Variants in NDUFA8 observed in about 807,000 individuals in gnomAD.
NDUFA8 encodes NADH:ubiquinone oxidoreductase subunit A8, also known as NADH dehydrogenase [ubiquinone] 1 alpha subcomplex subunit 8.
In NDUFA8, 16 loss-of-function variants were observed where a neutral mutation model predicts 20.9. The observed-to-expected ratio is 0.77, with a 90% confidence interval of 0.52 to 1.16. The LOEUF is 1.16. Among genes scored for constraint, NDUFA8 ranks in the 50% most tolerant of loss-of-function variants. The probability of loss-of-function intolerance (pLI) is 0.00; values close to 1 mark genes in which losing one functional copy is unlikely to be tolerated. For synonymous variants in NDUFA8, 70 were observed against 76.1 expected (o/e 0.92, Z 0.41); for missense variants, 202 against 216.4 (o/e 0.93, Z 0.42).
In NDUFA8 at chr9:122,159,695, C is replaced by A; in HGVS notation, c.-18G>T. 6.2e-7 allele frequency: 1 copy of A among 1,614,152 alleles called. No homozygotes were observed. The highest frequency in any genetic ancestry group is 8.5e-7 in the Non-Finnish European group (1 of 1,179,996). On this transcript the variant is annotated 5_prime_UTR_variant, in exon 1 of 4. Transcript: ENST00000373768. Reference sequence around the variant, plus strand: ...CCCGGCATGACGGCTGCAGCCCCGACCCCGACGAGAAGCCCTCAGCCGCGT... The same window carrying A: ...CCCGGCATGACGGCTGCAGCCCCGAACCCGACGAGAAGCCCTCAGCCGCGT...
At chr9:122,133,811 A>G in the NDUFA8 span, among the ~76,000 whole-genome samples, 50 of 152,164 alleles carry the variant, frequency 3.3e-4, no homozygotes, top group Non-Finnish European at 6.2e-4. Context: ...GTTGGGAGTG[A>G]TGTCGCCCAT....
intron 3 of NDUFA8, among the ~76,000 whole-genome samples, chr9:122,144,876 A>G (rs1353480372): frequency 6.6e-6 from 1 of 152,216 alleles, no homozygotes; most frequent in African/African-American, 2.4e-5. Context: ...ATATGAAGAT[A>G]GGCAGGCATG....
chr9:122,152,478 A>C, intron 1 of NDUFA8, 70 bp from the exon 2 acceptor site: 484 of 1,478,266 alleles, frequency 3.3e-4, no homozygotes, highest in Non-Finnish European at 4.1e-4. Context: ...GCTTTACCTC[A>C]TGCGGGTCAG....
intron 2 of NDUFA8, among the ~76,000 whole-genome samples, chr9:122,148,576 T>C (rs951210454): frequency 1.7e-4 from 26 of 152,232 alleles, no homozygotes; most frequent in African/African-American, 6.0e-4. Context: ...GGCCTATTTA[T>C]TCTTTTCTTT....
the NDUFA8 span, among the ~76,000 whole-genome samples, chr9:122,137,008 C>T: frequency 1.3e-5 from 2 of 152,134 alleles, no homozygotes; most frequent in African/African-American, 4.8e-5. Flanking sequence ...GTTTAATCTT[C>T]CCGATCCATT....
At chr9:122,133,646 G>A in the NDUFA8 span, among the ~76,000 whole-genome samples, 1 of 152,306 alleles carries the variant, frequency 6.6e-6, no homozygotes, top group South Asian at 2.1e-4. Context: ...GGAATGGACT[G>A]GCAGAGAGGA....
chr9:122,143,943 G>T, downstream of NDUFA8: 1 of 669,850 alleles, frequency 1.5e-6, no homozygotes, highest in Non-Finnish European at 2.2e-6. Context: ...CCAGCCACAT[G>T]AGCGAGTGCC....
chr9:122,138,443 A>T, the NDUFA8 span, among the ~76,000 whole-genome samples: 1 of 152,190 alleles, frequency 6.6e-6, no homozygotes, highest in African/African-American at 2.4e-5. Flanking sequence ...TTTTTGAGAA[A>T]ACAAAAGCAA....
At chr9:122,146,070 C>T (rs77945901) in intron 3 of NDUFA8, among the ~76,000 whole-genome samples, 21,312 of 152,110 alleles carry the variant, frequency 0.14, 2,898 homozygotes, top group African/African-American at 0.36. Context: ...TGCTTGAACC[C>T]GGAAGGCACT....
chr9:122,144,509 A>T lies in NDUFA8; in HGVS notation c.382-131T>A, dbSNP rs1828873340. ...CTGCTCCCCGACTTAAATTCCCAGC[A>T]AATCACATTCAGACGTATTTAATCA... On this transcript the variant is annotated intron_variant, in intron 3 of 3. Transcript: ENST00000373768. The T allele has an allele frequency of 5.8e-6, 5 of 866,306 alleles. No individual in the cohort carries two copies. The South Asian group carries it at 6.8e-5, about 12-fold the overall frequency. The allele number at this position is 866,306 out of a possible 1,614,324, so 53.7% of individuals were successfully genotyped here.
chr9:122,152,176 T>C, intron 2 of NDUFA8, 69 bp downstream of exon 2: 1 of 1,548,148 alleles, frequency 6.5e-7, no homozygotes, highest in Non-Finnish European at 8.9e-7. Flanking sequence ...GATTATTAGC[T>C]GGCTGTTCAC....
Position 122,152,713 on chromosome 9 carries a change from G to A in NDUFA8, c.52-305C>T, listed in dbSNP as rs112993102. ...TGGGATTACAGGCATAAGCCACCTC[G>A]CCCAGCGATTCTTTAAAATCTATGG... On this transcript the variant is annotated intron_variant, in intron 1 of 3. Transcript: ENST00000373768. Among the ~76,000 whole-genome samples, 153 of 152,110 alleles carry A rather than the reference G, an allele frequency of 1.0e-3. 2 individuals are homozygous for A. Among genetic ancestry groups the A allele is most frequent in the African/African-American group, 3.4e-3 (143 of 41,504 alleles).
chr9:122,148,079 A>C, intron 3 of NDUFA8, 33 bp downstream of exon 3: 2 of 1,613,366 alleles, frequency 1.2e-6, no homozygotes, highest in Non-Finnish European at 1.7e-6. Flanking sequence ...CCCCTGAATC[A>C]GAAAGTGAGA....
chr9:122,154,415 A>G (rs893373482), intron 1 of NDUFA8, among the ~76,000 whole-genome samples: 2 of 152,262 alleles, frequency 1.3e-5, no homozygotes, highest in African/African-American at 2.4e-5. Context: ...CCTTCATTAT[A>G]GGGACCTTGA....
the NDUFA8 span, among the ~76,000 whole-genome samples, chr9:122,133,751 G>C: frequency 3.3e-5 from 5 of 152,232 alleles, no homozygotes; most frequent in East Asian, 9.6e-4. Flanking sequence ...CCAGCCCCAG[G>C]GCGAGCGCGT....
chr9:122,144,114 T>C lies in NDUFA8; in HGVS notation c.*127A>G. 1 of 1,555,390 alleles carries C rather than the reference T, an allele frequency of 6.4e-7. No homozygotes were observed. Among genetic ancestry groups the C allele is most frequent in the East Asian group, 2.4e-5 (1 of 42,396 alleles). ...GGTATAGAATAACTGCCAAGTCACA[T>C]AAGTTAACTTTTTTGTTAATGTTTG... On this transcript the variant is annotated 3_prime_UTR_variant, in exon 4 of 4. Transcript: ENST00000373768.
intron 1 of NDUFA8, among the ~76,000 whole-genome samples, chr9:122,155,270 G>A (rs10985551): frequency 0.43 from 65,026 of 151,990 alleles, 16,692 homozygotes; most frequent in Non-Finnish European, 0.58. Flanking sequence ...GTAGAGACGG[G>A]GTTCCTCCAT....
chr9:122,135,074 G>A, the NDUFA8 span, among the ~76,000 whole-genome samples: 4 of 152,170 alleles, frequency 2.6e-5, no homozygotes, highest in African/African-American at 9.7e-5. Flanking sequence ...TCAACAGGGG[G>A]CCCCCGTGCT....
chr9:122,138,408 G>C, the NDUFA8 span, among the ~76,000 whole-genome samples: 31 of 152,258 alleles, frequency 2.0e-4, no homozygotes, highest in African/African-American at 7.5e-4. Flanking sequence ...ACTGTGACAC[G>C]GATTTCTGGG....
Sources: allele counts gnomAD v4.1 joint callset (sites outside exome capture counted in the v4.1 genomes callset), GRCh38; gene constraint gnomAD v4.1.1; transcripts MANE v1.5; gene names NCBI Gene and HGNC (gene_info 2026-07-23, HGNC 2026-07-21).